Variants in RNASEH1 observed in about 807,000 individuals in gnomAD.
The protein encoded by RNASEH1 is ribonuclease H1.
RNASEH1 carries 27 observed loss-of-function variants against 34.6 expected under a neutral mutation model. The ratio of observed to expected loss-of-function variants is 0.78; its 90% CI spans 0.58 to 1.08. The LOEUF (loss-of-function observed/expected upper bound fraction) is 1.08, where lower values mean the gene tolerates loss of function less well. Ranked by LOEUF, RNASEH1 falls within the 50% of genes least tolerant of loss-of-function variation. The probability of loss-of-function intolerance (pLI) is 0.00; values close to 1 mark genes in which losing one functional copy is unlikely to be tolerated. For missense variants in RNASEH1, 349 were observed against 373.6 expected, an observed-to-expected ratio of 0.93 and a Z score of 0.54; for synonymous variants, 162 against 138.4, an observed-to-expected ratio of 1.17 and a Z score of -1.20.
rs1413141333 is a variant in RNASEH1, at chr2:3,556,805, G to C, written c.228C>G (p.Ser76Arg). The C allele has an allele frequency of 6.2e-7, 1 of 1,613,052 alleles. No individual in the cohort carries two copies. Among genetic ancestry groups the C allele is most frequent in the African/African-American group, 1.3e-5 (1 of 75,032 alleles). The change falls in exon 2 of 8, where the codon AGC becomes AGG. Residue 76 changes from serine to arginine, a missense_variant. Ser to Arg is a moderately radical substitution (Grantham distance 110). This residue lies in a region of RNASEH1 where 256 missense variants were observed against 240.7 expected (regional missense o/e 1.06). Transcript: ENST00000315212. ...EAWAFVRKSASPEVSEGHENQ... is the reference protein window; with the variant it reads ...EAWAFVRKSARPEVSEGHENQ... ...GGTGACTACCTTCTGAAACTTCCGGGCTTGCAGATTTCCTGACAAAGGCCC... is the reference window on the plus strand; with the variant it reads ...GGTGACTACCTTCTGAAACTTCCGGCCTTGCAGATTTCCTGACAAAGGCCC...
chr2:3,532,933 G>C, the RNASEH1 span, among the ~76,000 whole-genome samples: 1 of 152,212 alleles, frequency 6.6e-6, no homozygotes, highest in African/African-American at 2.4e-5. Context: ...AGGACTGATG[G>C]AGCTGCTCAC....
In RNASEH1 at chr2:3,552,355, A is replaced by G. The variant is rs199839420; in HGVS notation, c.245-47T>C. The G allele has an allele frequency of 2.3e-5, 35 of 1,555,144 alleles. No homozygotes were observed. In the Admixed American group the frequency reaches 3.2e-4, roughly 14 times the overall value. ...GTGAGCTGGAAACAATGAACATAAC[A>G]CGAAATGCTAGAGAATGAAGACATT... On this transcript the variant is annotated intron_variant, in intron 2 of 7. Transcript: ENST00000315212.
At chr2:3,546,122 C>T (rs1572290671) in intron 7 of RNASEH1, among the ~76,000 whole-genome samples, 1 of 152,294 alleles carries the variant, frequency 6.6e-6, no homozygotes, top group Middle Eastern at 3.4e-3. Context: ...TTGCTATTTC[C>T]TCCCCACTTA....
At chr2:3,541,314 G>A (rs1173944857), downstream of RNASEH1, among the ~76,000 whole-genome samples, 25 of 150,398 alleles carry the variant, frequency 1.7e-4, no homozygotes, top group Admixed American at 1.6e-3. Context: ...GGGTGACAGA[G>A]TGAGGCTCCA....
chr2:3,555,614 T>C (rs1199522441), intron 2 of RNASEH1, among the ~76,000 whole-genome samples: 1 of 152,224 alleles, frequency 6.6e-6, no homozygotes, highest in Non-Finnish European at 1.5e-5. Flanking sequence ...CAGTGGCCTC[T>C]AGAGAGGCTG....
intron 7 of RNASEH1, 99 bp downstream of exon 7, chr2:3,547,832 T>G: frequency 8.8e-7 from 1 of 1,138,258 alleles, no homozygotes; most frequent in Non-Finnish European, 1.3e-6. Flanking sequence ...TCATGGAAAT[T>G]GTTATGTCAT....
At chr2:3,539,751 AACT>A (rs1668193640), downstream of RNASEH1, among the ~76,000 whole-genome samples, 1 of 152,170 alleles carries the variant, frequency 6.6e-6, no homozygotes, top group South Asian at 2.1e-4. Flanking sequence ...CTTGCTCCAG[AACT>A]ACTAGAATAT....
intron 7 of RNASEH1, among the ~76,000 whole-genome samples, chr2:3,546,602 C>T (rs76522390): frequency 0.012 from 1,868 of 152,164 alleles, 12 homozygotes; most frequent in Middle Eastern, 0.02. Context: ...TTGGGTGTTA[C>T]TTCGTGTTCT....
chr2:3,551,251 G>T (rs1659875779), intron 3 of RNASEH1, among the ~76,000 whole-genome samples: 1 of 152,254 alleles, frequency 6.6e-6, no homozygotes, highest in Non-Finnish European at 1.5e-5. Context: ...GAGCCAAGGG[G>T]AGTGTGGGTG....
At chr2:3,552,037 G>A (rs939394697) in intron 3 of RNASEH1, 107 bp downstream of exon 3, 3 of 808,950 alleles carry the variant, frequency 3.7e-6, no homozygotes, top group African/African-American at 1.7e-5. Flanking sequence ...TAAGAATGAA[G>A]ATGATAAACA....
intron 6 of RNASEH1, among the ~76,000 whole-genome samples, 191 bp from the exon 7 acceptor site, chr2:3,548,246 C>G (rs1668941854): frequency 6.6e-6 from 1 of 152,296 alleles, no homozygotes; most frequent in Admixed American, 6.5e-5. Flanking sequence ...TCCCTTTCCC[C>G]TAACTTGTAT....
intron 6 of RNASEH1, among the ~76,000 whole-genome samples, chr2:3,548,359 G>T (rs1353797347): frequency 2.0e-5 from 3 of 152,192 alleles, no homozygotes; most frequent in Non-Finnish European, 4.4e-5. Context: ...TCCCAAAGAA[G>T]CAGTCAACAC....
chr2:3,532,509 C>T, the RNASEH1 span, among the ~76,000 whole-genome samples: 1 of 152,062 alleles, frequency 6.6e-6, no homozygotes, highest in Non-Finnish European at 1.5e-5. Context: ...GATTTCACAC[C>T]CCTAGATGGT....
At chr2:3,556,978 T>C in intron 1 of RNASEH1, 74 bp from the exon 2 acceptor site, 7 of 1,148,278 alleles carry the variant, frequency 6.1e-6, no homozygotes, top group African/African-American at 1.5e-5. Flanking sequence ...ATTCTTAAGG[T>C]TGGAAATACA....
At position 3,550,261 on chromosome 2, in the gene RNASEH1, A is replaced by G. The variant is rs957150683; in HGVS notation, c.509+112T>C. ...AAGCTGCTCCTCTGCCACCCCTGCCAGAGCTACTTATCTGCAGGTTTTCCC... is the reference window on the plus strand; with the variant it reads ...AAGCTGCTCCTCTGCCACCCCTGCCGGAGCTACTTATCTGCAGGTTTTCCC... On this transcript the variant is annotated intron_variant, in intron 4 of 7. Transcript: ENST00000315212. 7 of 896,748 alleles carry G rather than the reference A, an allele frequency of 7.8e-6. No homozygotes were observed. The African/African-American group carries it at 1.2e-4, about 15-fold the overall frequency. 55.5% of individuals were successfully genotyped at this position (896,748 alleles called of 1,614,324 possible). A position where few individuals can be genotyped will look rare whatever the true frequency, so the allele number is the denominator to read the frequency against.
downstream of RNASEH1, among the ~76,000 whole-genome samples, chr2:3,538,859 GCA>G (rs1375364944): frequency 6.6e-6 from 1 of 152,208 alleles, no homozygotes; most frequent in Non-Finnish European, 1.5e-5. Context: ...ACACAGGTGA[GCA>G]CACGTTTCCA....
At position 3,557,392 on chromosome 2, in the gene RNASEH1, G is replaced by A. The variant is rs570499339; in HGVS notation, c.129-488C>T. Among the ~76,000 whole-genome samples, 20 of 152,202 alleles carry A rather than the reference G, an allele frequency of 1.3e-4. 1 individual carries two copies. The South Asian group carries it at 3.9e-3, about 30-fold the overall frequency. ...CCAGCCAGCACACCAGCACCATAAG[G>A]CTTTCGTCAAACTCAAAGCATAACA... On this transcript the variant is annotated intron_variant, in intron 1 of 7. Transcript: ENST00000315212.
At chr2:3,553,380 A>T (rs1270013593) in intron 2 of RNASEH1, among the ~76,000 whole-genome samples, 2 of 151,968 alleles carry the variant, frequency 1.3e-5, no homozygotes, top group Non-Finnish European at 2.9e-5. Flanking sequence ...GGGGGACCTC[A>T]AGGTTAATCC....
At chr2:3,546,455 A>G (rs1668762497) in intron 7 of RNASEH1, among the ~76,000 whole-genome samples, 1 of 152,252 alleles carries the variant, frequency 6.6e-6, no homozygotes, top group Non-Finnish European at 1.5e-5. Flanking sequence ...TAAAAGTTCT[A>G]TTACCAAGGC....
Sources: allele counts gnomAD v4.1 joint callset (sites outside exome capture counted in the v4.1 genomes callset), GRCh38; gene constraint gnomAD v4.1.1; regional missense constraint gnomAD v4.1.1; transcripts MANE v1.5; gene names NCBI Gene and HGNC (gene_info 2026-07-23, HGNC 2026-07-21).